The following FBN3 variants were observed in gnomAD, a reference collection of about 807,000 sequenced individuals.
The protein encoded by FBN3 is fibrillin 3, also known as fibrillin-3.
Under a neutral mutation model 330.1 loss-of-function variants are expected in FBN3, and 234 were observed. The ratio of observed to expected loss-of-function variants is 0.71; its 90% CI spans 0.64 to 0.79. FBN3 has a LOEUF of 0.79. Among genes scored for constraint, FBN3 ranks in the 30% least tolerant of loss-of-function variants. The pLI is 0.00. For missense variants in FBN3, 3,606 were observed against 3,886.9 expected (o/e 0.93, Z 1.92); for synonymous variants, 1,458 against 1,517.3 (o/e 0.96, Z 0.91).
rs754449010 is a variant in FBN3 at position 8,145,910 on chromosome 19, A to G, written c.378T>C (p.Asn126=). The G allele has an allele frequency of 6.4e-7, 1 of 1,551,200 alleles. No homozygotes were observed. Among genetic ancestry groups the G allele is most frequent in the Non-Finnish European group, 8.7e-7 (1 of 1,146,964 alleles). ...AGGACGCCCCCCGGCAGGTGCCCCC[A>G]TTCATACAGCTCACACTGCACCCTG... The part of the protein sequence containing the change: ...RGSGCSVSCM[N]GGTCRGASCL... Residue 126 remains asparagine (N), a synonymous_variant, in exon 5 of 64, where the codon AAT becomes AAC. Coordinates refer to ENST00000600128, the MANE Select transcript of FBN3 (RefSeq NM_032447.5).
Position 8,131,314 on chromosome 19 carries a change from C to T in FBN3, c.1991-26G>A, listed in dbSNP as rs547638433. 85 of 1,609,738 alleles carry T rather than the reference C, an allele frequency of 5.3e-5. No homozygotes were observed. Among genetic ancestry groups the T allele is most frequent in the South Asian group, 3.1e-4 (28 of 89,924 alleles). ...CTGGGGATGGAGGGACAGAGTGAGA[C>T]GGGTCAGGGAGCTTAGCCATGGCTC... On this transcript the variant is annotated intron_variant, in intron 15 of 63. Transcript: ENST00000600128. The surrounding 1 kb of genome is among the most constrained non-coding windows in gnomAD (Gnocchi z 4.5).
chr19:8,147,370 CA>C lies in FBN3; in HGVS notation c.110del (p.Leu37TrpfsTer78). ...GCACACGTCCAGGACCTGCAGCCTC[CA>C]AGGCCCCGTCCCAGCGGCCTTGGCC... Reference protein sequence around the residue: ...AGGQGRWDGALEAAGPGRVRR... With the variant: ...AGGQGRWDGAXEAAGPGRVRR... On this transcript the variant is annotated frameshift_variant, in exon 2 of 64. Coordinates refer to ENST00000600128, the MANE Select transcript of FBN3 (RefSeq NM_032447.5). LOFTEE classifies it high-confidence loss of function. The C allele has an allele frequency of 6.2e-7, 1 of 1,601,964 alleles. No homozygotes were observed. Among genetic ancestry groups the C allele is most frequent in the South Asian group, 1.1e-5 (1 of 89,076 alleles).
At chr19:8,095,879 A>C in intron 45 of FBN3, 85 bp downstream of exon 45, 1 of 815,700 alleles carries the variant, frequency 1.2e-6, no homozygotes, top group Non-Finnish European at 2.1e-6. Flanking sequence ...CTTTCTGGGC[A>C]TCTTTCTGTG....
At position 8,087,068 on chromosome 19, in the gene FBN3, G is replaced by A; in HGVS notation, c.6754+9C>T. 2 of 1,604,776 alleles carry A rather than the reference G, an allele frequency of 1.2e-6. No homozygotes were observed. The highest frequency in any genetic ancestry group is 8.5e-7 in the Non-Finnish European group (1 of 1,178,420). ...TTTCCTGCACCCATGAAGCTCCAGT[G>A]CCCCATACCTGTGCAGCCCTCCCCA... is the stretch of plus-strand genomic sequence containing the variant. On this transcript the variant is annotated intron_variant, in intron 54 of 63. Transcript: ENST00000600128.
chr19:8,102,666 CT>C, intron 40 of FBN3, 57 bp downstream of exon 40: 1 of 1,551,376 alleles, frequency 6.4e-7, no homozygotes, highest in Non-Finnish European at 8.9e-7. Context: ...ACTGTGTTTC[CT>C]TAACCATTAT....
intron 59 of FBN3, among the ~76,000 whole-genome samples, chr19:8,080,258 A>C (rs1486753713): frequency 6.6e-6 from 1 of 152,228 alleles, no homozygotes; most frequent in Non-Finnish European, 1.5e-5. Context: ...TGGGCGCGTG[A>C]AAGGGGCCAC....
At chr19:8,098,713 C>T (rs933552005) in intron 41 of FBN3, among the ~76,000 whole-genome samples, 1 of 152,130 alleles carries the variant, frequency 6.6e-6, no homozygotes, top group African/African-American at 2.4e-5. Flanking sequence ...TGAATGTATT[C>T]AAAACCACTA....
At chr19:8,101,956 CATATCCCCACATGTCACGGG>C (rs927715603) in intron 40 of FBN3, among the ~76,000 whole-genome samples, 1 of 152,242 alleles carries the variant, frequency 6.6e-6, no homozygotes. Context: ...CTGTAGCTCC[CATATCCCCACATGTCACGGG>C]AGGGACCCGG....
chr19:8,141,989 G>A lies in FBN3; in HGVS notation c.690C>T (p.His230=). 1.9e-6 allele frequency: 3 copies of A among 1,614,250 alleles called. No individual in the cohort carries two copies. The highest frequency in any genetic ancestry group is 1.7e-6 in the Non-Finnish European group (2 of 1,180,044). ...LPCELCPAQP[H]PCRRGFIPNI... Reference sequence around the variant, plus strand: ...TGGGGATGAAGCCGCGGCGGCAGGGGTGTGGCTGTGCAGGGCAAAGTTCAC... The same window carrying A: ...TGGGGATGAAGCCGCGGCGGCAGGGATGTGGCTGTGCAGGGCAAAGTTCAC... The change falls in exon 7 of 64, where the codon CAC becomes CAT. Residue 230 remains histidine, a synonymous_variant. Transcript: ENST00000600128.
intron 22 of FBN3, 121 bp from the exon 23 acceptor site, chr19:8,124,129 A>G (rs759406190): frequency 5.0e-6 from 4 of 804,980 alleles, no homozygotes; most frequent in Non-Finnish European, 8.2e-6. Flanking sequence ...GTCGAGGGCC[A>G]GAGTGGAAAG....
intron 26 of FBN3, among the ~76,000 whole-genome samples, chr19:8,118,021 C>A (rs945985594): frequency 6.6e-6 from 1 of 151,882 alleles, no homozygotes; most frequent in African/African-American, 2.4e-5. Flanking sequence ...TGTGCACACA[C>A]AGACACACAA....
chr19:8,072,424 A>G (rs774706634), intron 62 of FBN3, among the ~76,000 whole-genome samples: 1 of 152,188 alleles, frequency 6.6e-6, no homozygotes, highest in African/African-American at 2.4e-5. Flanking sequence ...GTGTGAACAC[A>G]GGAGTGAGAG....
chr19:8,109,166 C>T lies in FBN3; in HGVS notation c.4618+61G>A. The stretch of plus-strand genomic sequence containing the variant: ...CCACCGCCATTAGCAGAGGTGACCC[C>T]CTAAGCTCCCGGGCCTCGGTGGCTT... On this transcript the variant is annotated intron_variant, in intron 36 of 63. Transcript: ENST00000600128. This position sits in a 1 kb window ranked among gnomAD's most constrained non-coding sequence, Gnocchi z 5.2. 6.5e-7 allele frequency: 1 copy of T among 1,545,972 alleles called. No individual in the cohort carries two copies.
intron 47 of FBN3, among the ~76,000 whole-genome samples, chr19:8,092,187 A>C (rs2082111928): frequency 6.6e-6 from 1 of 151,792 alleles, no homozygotes. Context: ...CAAAAAAAAA[A>C]AACCAAAAAA....
chr19:8,099,699 T>C (rs141656619), intron 41 of FBN3, among the ~76,000 whole-genome samples: 4 of 152,086 alleles, frequency 2.6e-5, no homozygotes, highest in Admixed American at 6.6e-5. Context: ...TGTTAAATTA[T>C]GCAATACGTT....
intron 23 of FBN3, 68 bp downstream of exon 23, chr19:8,123,716 T>A (rs2082909388): frequency 2.5e-6 from 4 of 1,596,164 alleles, no homozygotes; most frequent in Non-Finnish European, 3.4e-6. Flanking sequence ...ACTTCCCATC[T>A]CCAGGCTTTT....
At chr19:8,127,933 G>A (rs779606513) in intron 18 of FBN3, among the ~76,000 whole-genome samples, 1 of 152,166 alleles carries the variant, frequency 6.6e-6, no homozygotes, top group South Asian at 2.1e-4. Flanking sequence ...CCCAGGAGGT[G>A]GAGGTTGCAG....
rs368099822 is a variant in FBN3, at chr19:8,126,672, G to A, written c.2416+41C>T. The A allele has an allele frequency of 1.8e-4, 288 of 1,587,438 alleles. 1 individual carries two copies. The African/African-American group carries it at 3.2e-3, about 18-fold the overall frequency. Reference sequence around the variant, plus strand: ...TACACCTGCACCCTGACCCATAGACGCCCAGCCTCTGGAACGCCGTCGGGC... The same window carrying A: ...TACACCTGCACCCTGACCCATAGACACCCAGCCTCTGGAACGCCGTCGGGC... On this transcript the variant is annotated intron_variant, in intron 19 of 63. Coordinates refer to ENST00000600128, the MANE Select transcript of FBN3 (RefSeq NM_032447.5).
At position 8,149,253 on chromosome 19, in the gene FBN3, G is replaced by A. The variant is rs2083620808; in HGVS notation, c.-18+196C>T. 6.6e-6 allele frequency among the ~76,000 whole-genome samples: 1 copy of A among 151,398 alleles called. No individual in the cohort carries two copies. Among genetic ancestry groups the A allele is most frequent in the African/African-American group, 2.4e-5 (1 of 41,240 alleles). On this transcript the variant is annotated intron_variant, in intron 1 of 63. Transcript: ENST00000600128. This position sits in a 1 kb window ranked among gnomAD's most constrained non-coding sequence, Gnocchi z 5.5. Reference sequence around the variant, plus strand: ...GCGCCCCGGCCGAGCCCCTCCCGCCGGGTCCCCGCGCCCCCACTCCCCACT... The same window carrying A: ...GCGCCCCGGCCGAGCCCCTCCCGCCAGGTCCCCGCGCCCCCACTCCCCACT...
Sources: gnomAD v4.1 joint callset for allele counts (sites outside exome capture counted in the v4.1 genomes callset) on GRCh38, gnomAD v4.1.1 for gene constraint, Gnocchi (gnomAD v3.1) non-coding constraint, MANE v1.5 for transcripts, NCBI Gene and HGNC (gene_info 2026-07-23, HGNC 2026-07-21) for gene names.